The following WEE1 variants were observed in gnomAD, a reference collection of about 807,000 sequenced individuals.
WEE1 encodes WEE1 G2 checkpoint kinase.
A neutral mutation model predicts 68.8 loss-of-function variants in WEE1; 16 were observed. That is an observed-to-expected ratio of 0.23 (90% CI 0.16 to 0.35). The LOEUF is 0.35. WEE1 is among the 10% of genes least tolerant of loss of function. The pLI is 1.00. For synonymous variants in WEE1, 349 were observed against 318.7 expected, an observed-to-expected ratio of 1.09 and a Z score of -1.01; for missense variants, 651 against 824.1, an observed-to-expected ratio of 0.79 and a Z score of 2.57.
Position 9,576,409 on chromosome 11 carries a change from C to T in WEE1, c.847-78C>T. ...GGTAGAATGGTTTTTAAATTTCACA[C>T]ATAGCCCTATCACCATAGCAAGAAA... On this transcript the variant is annotated intron_variant, in intron 3 of 10. Transcript: ENST00000450114. The surrounding 1 kb of genome is among the most constrained non-coding windows in gnomAD (Gnocchi z 4.3). 1.3e-6 allele frequency: 2 copies of T among 1,564,458 alleles called. No homozygotes were observed. The highest frequency in any genetic ancestry group is 1.7e-6 in the Non-Finnish European group (2 of 1,152,292).
chr11:9,578,736 T>C (rs1849590997), intron 5 of WEE1: 1 of 152,130 alleles, frequency 6.6e-6, no homozygotes, highest in African/African-American at 2.4e-5. Context: ...TACCAATACA[T>C]GGTTGTGTAA....
At position 9,574,482 on chromosome 11, in the gene WEE1, A is replaced by G; in HGVS notation, c.549A>G (p.Arg183=). 1 of 1,254,746 alleles carries G rather than the reference A, an allele frequency of 8.0e-7. No individual in the cohort carries two copies. The highest frequency in any genetic ancestry group is 1.0e-6 in the Non-Finnish European group (1 of 1,001,024). 77.7% of individuals were successfully genotyped at this position (1,254,746 alleles called of 1,614,324 possible). Residue 183 remains arginine, a synonymous_variant, in exon 1 of 11, where the codon CGA becomes CGG. Transcript: ENST00000450114. The surrounding 1 kb of genome is among the most constrained non-coding windows in gnomAD (Gnocchi z 4.9). ...TPPHKTFRKL[R]LFDTPHTPKS... ...CACACAAGACCTTCCGCAAGCTGCG[A>G]CTCTTCGACACCCCGCACACGCCCA... is the stretch of plus-strand genomic sequence containing the variant.
intron 6 of WEE1, among the ~76,000 whole-genome samples, chr11:9,583,659 A>G (rs1490837359): frequency 6.7e-6 from 1 of 150,234 alleles, no homozygotes; most frequent in Non-Finnish European, 1.5e-5. Flanking sequence ...CCATCACAAA[A>G]TAAGTTGTCC....
Position 9,586,517 on chromosome 11 carries a change from T to G in WEE1, c.1539T>G (p.Ala513=). The change falls in exon 9 of 11, where the codon GCT becomes GCG. Residue 513 remains alanine (A), a synonymous_variant. Coordinates refer to ENST00000450114, the MANE Select transcript of WEE1 (RefSeq NM_003390.4). ...TCACAGTGGTATGTGCTGCTGGTGCTGAACCTCTTCCGAGAAATGGAGATC... is the reference window on the plus strand; with the variant it reads ...TCACAGTGGTATGTGCTGCTGGTGCGGAACCTCTTCCGAGAAATGGAGATC... The part of the protein sequence containing the change: ...LALTVVCAAG[A]EPLPRNGDQW... 1 of 1,614,172 alleles carries G rather than the reference T, an allele frequency of 6.2e-7. No individual in the cohort carries two copies. Among genetic ancestry groups the G allele is most frequent in the Non-Finnish European group, 8.5e-7 (1 of 1,180,010 alleles).
At chr11:9,580,479 T>TTC (rs1554975130) in intron 5 of WEE1, 1 of 148,766 alleles carries the variant, frequency 6.7e-6, no homozygotes, top group Admixed American at 6.7e-5. Context: ...TTTTTTTTTT[T>TTC]CGGGGGACTG....
chr11:9,577,894 C>T (rs748205717), intron 5 of WEE1: 14 of 456,100 alleles, frequency 3.1e-5, no homozygotes, highest in Non-Finnish European at 5.7e-5. Context: ...CTTTCAGTTT[C>T]GGTAAGTCCT....
chr11:9,586,692 T>A lies in WEE1; in HGVS notation c.1642-19T>A. On this transcript the variant is annotated intron_variant, in intron 9 of 10. Coordinates refer to ENST00000450114, the MANE Select transcript of WEE1 (RefSeq NM_003390.4). ...TATTAAATGCATGTCTTTACCTTCA[T>A]TTTACTTTTCTTTTTAAGGTTATGA... 1 of 1,611,074 alleles carries A rather than the reference T, an allele frequency of 6.2e-7. No individual in the cohort carries two copies. Among genetic ancestry groups the A allele is most frequent in the Non-Finnish European group, 8.5e-7 (1 of 1,179,288 alleles).
intron 6 of WEE1, among the ~76,000 whole-genome samples, chr11:9,583,761 GCACACACACACACACACACACA>G (rs1157681380): frequency 2.0e-5 from 1 of 48,960 alleles, no homozygotes; most frequent in East Asian, 8.1e-4. Context: ...GCACGCGCGC[GCACACACACACACACACACACA>G]CACACACACA....
intron 10 of WEE1, 40 bp downstream of exon 10, chr11:9,586,896 C>T (rs1247482054): frequency 6.4e-7 from 1 of 1,553,368 alleles, no homozygotes; most frequent in Non-Finnish European, 8.7e-7. Flanking sequence ...CTTTTTCATT[C>T]ACTTTAATTC....
Position 9,583,020 on chromosome 11 carries a change from A to G in WEE1, c.1288+1342A>G, listed in dbSNP as rs544595333. ...AATATTAAGGGATGTGAAGTTTAAA[A>G]ATCTTCAAATTTAGACCAGGTGCAG... On this transcript the variant is annotated intron_variant, in intron 6 of 10. Coordinates refer to ENST00000450114, the MANE Select transcript of WEE1 (RefSeq NM_003390.4). 2.0e-5 allele frequency among the ~76,000 whole-genome samples: 3 copies of G among 152,286 alleles called. No homozygotes were observed. The East Asian group carries it at 5.8e-4, about 29-fold the overall frequency.
intron 5 of WEE1, 99 bp downstream of exon 5, chr11:9,577,362 C>A: frequency 7.0e-7 from 1 of 1,432,344 alleles, no homozygotes. Flanking sequence ...TCACTTTTAT[C>A]TTTTATAAAT....
chr11:9,588,518 C>T lies in WEE1; in HGVS notation c.1857C>T (p.Ala619=). The T allele has an allele frequency of 6.2e-7, 1 of 1,612,564 alleles. No homozygotes were observed. Among genetic ancestry groups the T allele is most frequent in the Non-Finnish European group, 8.5e-7 (1 of 1,179,686 alleles). Residue 619 remains alanine (A), a synonymous_variant, in exon 11 of 11, where the codon GCC becomes GCT. Coordinates refer to ENST00000450114, the MANE Select transcript of WEE1 (RefSeq NM_003390.4). The stretch of plus-strand genomic sequence containing the variant: ...GAGCACTCTTCACTGACCGGATGGC[C>T]ACTAGGTCCACCACCCAGAGTAATA... The part of the protein sequence containing the change: ...EERALFTDRM[A]TRSTTQSNRT...
At chr11:9,586,212 G>A (rs1362129833) in intron 8 of WEE1, among the ~76,000 whole-genome samples, 1 of 152,044 alleles carries the variant, frequency 6.6e-6, no homozygotes, top group Non-Finnish European at 1.5e-5. Flanking sequence ...TAAAGAAGAG[G>A]CATTTACTCT....
intron 6 of WEE1, among the ~76,000 whole-genome samples, chr11:9,583,010 G>A (rs1849645417): frequency 6.6e-6 from 1 of 152,136 alleles, no homozygotes; most frequent in Admixed American, 6.6e-5. Flanking sequence ...TAAGGGATGT[G>A]AAGTTTAAAA....
At position 9,589,044 on chromosome 11, in the gene WEE1, T is replaced by C; in HGVS notation, c.*442T>C. On this transcript the variant is annotated 3_prime_UTR_variant, in exon 11 of 11. Transcript: ENST00000450114. ...GTGTGTCCATCTTATATTTCTTTTT[T>C]TTTTAATTGTGAATTAGACTTGTAT... is the stretch of plus-strand genomic sequence containing the variant. 2.0e-6 allele frequency: 2 copies of C among 985,868 alleles called. No individual in the cohort carries two copies. Among genetic ancestry groups the C allele is most frequent in the South Asian group, 9.4e-5 (2 of 21,288 alleles). 61.1% of individuals were successfully genotyped at this position (985,868 alleles called of 1,614,324 possible).
intron 6 of WEE1, among the ~76,000 whole-genome samples, chr11:9,584,889 A>T (rs1402185572): frequency 6.6e-6 from 1 of 152,270 alleles, no homozygotes; most frequent in East Asian, 1.9e-4. Flanking sequence ...AGCCTGGCCA[A>T]CATAGTGAAA....
rs749407296 is a variant in WEE1 at position 9,577,166 on chromosome 11, T to C, written c.1044T>C (p.Tyr348=). Residue 348 remains tyrosine (Y), a synonymous_variant, in exon 5 of 11, where the codon TAT becomes TAC. Coordinates refer to ENST00000450114, the MANE Select transcript of WEE1 (RefSeq NM_003390.4). The part of the protein sequence containing the change: ...VDEQNALREV[Y]AHAVLGQHSH... ...GGCAGAACGCTTTGAGAGAAGTATATGCTCATGCAGTGCTTGGACAGCATT... is the reference window on the plus strand; with the variant it reads ...GGCAGAACGCTTTGAGAGAAGTATACGCTCATGCAGTGCTTGGACAGCATT... 1 of 1,612,770 alleles carries C rather than the reference T, an allele frequency of 6.2e-7. No homozygotes were observed. The highest frequency in any genetic ancestry group is 2.2e-5 in the East Asian group (1 of 44,860).
chr11:9,580,243 TG>T (rs1207946164), intron 5 of WEE1: 1 of 151,830 alleles, frequency 6.6e-6, no homozygotes, highest in Non-Finnish European at 1.5e-5. Context: ...TGTGTGTGTG[TG>T]TGTGTGTGTG....
At chr11:9,578,671 T>C (rs933543036) in intron 5 of WEE1, 3 of 152,162 alleles carry the variant, frequency 2.0e-5, no homozygotes, top group Non-Finnish European at 4.4e-5. Context: ...ATGTGAATAA[T>C]TCTCTTAACA....
Sources: allele counts gnomAD v4.1 joint callset (sites outside exome capture counted in the v4.1 genomes callset), GRCh38; gene constraint gnomAD v4.1.1; non-coding constraint Gnocchi (gnomAD v3.1); transcripts MANE v1.5; gene names NCBI Gene and HGNC (gene_info 2026-07-23, HGNC 2026-07-21).